MYH13: variants seen among roughly 807,000 people sequenced by gnomAD.
MYH13 encodes myosin heavy chain 13.
Under a neutral mutation model 232.1 loss-of-function variants are expected in MYH13, and 177 were observed. The ratio of observed to expected loss-of-function variants is 0.76; its 90% CI spans 0.67 to 0.86. MYH13 has a LOEUF of 0.86. Ranked by LOEUF, MYH13 falls within the 40% of genes least tolerant of loss-of-function variation. MYH13 has a pLI of 0.00. For missense variants in MYH13, 2,246 were observed against 2,405.9 expected (o/e 0.93, Z 1.39); for synonymous variants, 884 against 923.5 (o/e 0.96, Z 0.78).
chr17:10,341,751 C>G (rs773263088), intron 16 of MYH13, among the ~76,000 whole-genome samples: 3 of 152,056 alleles, frequency 2.0e-5, no homozygotes, highest in Non-Finnish European at 4.4e-5. Context: ...TATCTCTAGG[C>G]GAGGTTATGC....
In MYH13 at chr17:10,313,157, C is replaced by T. The variant is rs1906574573; in HGVS notation, c.4181+1G>A. ...TGCTATTGCCACCCTGGAGCCCCTACTTGGCCTCCTCCAGCTCCTCTGTGC... is the reference window on the plus strand; with the variant it reads ...TGCTATTGCCACCCTGGAGCCCCTATTTGGCCTCCTCCAGCTCCTCTGTGC... On this transcript the variant is annotated splice_donor_variant, in intron 30 of 40. Coordinates refer to ENST00000252172, the MANE Select transcript of MYH13 (RefSeq NM_003802.3). LOFTEE classifies it high-confidence loss of function. The T allele has an allele frequency of 6.2e-7, 1 of 1,613,996 alleles. No homozygotes were observed.
rs1448153034 is a variant in MYH13, at chr17:10,312,106, G to A, written c.4366-30C>T. Reference sequence around the variant, plus strand: ...GAGATGACAAAGGGACATGGGAGAAGCAGAAAGCAGGGGTGACTCAGAAGA... The same window carrying A: ...GAGATGACAAAGGGACATGGGAGAAACAGAAAGCAGGGGTGACTCAGAAGA... On this transcript the variant is annotated intron_variant, in intron 31 of 40. Transcript: ENST00000252172. 3 of 1,611,840 alleles carry A rather than the reference G, an allele frequency of 1.9e-6. No homozygotes were observed. In the Admixed American group the frequency reaches 5.0e-5, roughly 27 times the overall value.
At position 10,340,222 on chromosome 17, in the gene MYH13, A is replaced by G; in HGVS notation, c.1984T>C (p.Leu662=). 1.2e-6 allele frequency: 2 copies of G among 1,613,998 alleles called. No individual in the cohort carries two copies. Among genetic ancestry groups the G allele is most frequent in the South Asian group, 1.1e-5 (1 of 91,064 alleles). The change falls in exon 18 of 41, where the codon TTG becomes CTG. Residue 662 remains leucine (L), a synonymous_variant. Coordinates refer to ENST00000252172, the MANE Select transcript of MYH13 (RefSeq NM_003802.3). ...TGGGTGCTCCTTAAGTTAGTCATCAATTTGTTTAAATTTTCCTGGGACATA... is the reference window on the plus strand; with the variant it reads ...TGGGTGCTCCTTAAGTTAGTCATCAGTTTGTTTAAATTTTCCTGGGACATA... ...SAVFRENLNK[L]MTNLRSTHPH... is the part of the protein sequence containing the mutation.
At chr17:10,308,151 C>T (rs904903862) in intron 35 of MYH13, among the ~76,000 whole-genome samples, 1 of 151,708 alleles carries the variant, frequency 6.6e-6, no homozygotes, top group Non-Finnish European at 1.5e-5. Context: ...ATGGTGAAAC[C>T]CCGTCTCTAC....
rs745724159 is a variant in MYH13, at chr17:10,313,133, G to A, written c.4181+25C>T. On this transcript the variant is annotated intron_variant, in intron 30 of 40. Coordinates refer to ENST00000252172, the MANE Select transcript of MYH13 (RefSeq NM_003802.3). ...TGGCTTGTGTCCTCGGGCCCCCTCT[G>A]CTATTGCCACCCTGGAGCCCCTACT... 7 of 1,613,978 alleles carry A rather than the reference G, an allele frequency of 4.3e-6. No homozygotes were observed. The Admixed American group carries it at 1.2e-4, about 27-fold the overall frequency.
Position 10,355,855 on chromosome 17 carries a change from T to C in MYH13, c.739-708A>G, listed in dbSNP as rs2071745642. Among the ~76,000 whole-genome samples, 2 of 92,272 alleles carry C rather than the reference T, an allele frequency of 2.2e-5. 1 individual carries two copies. Among genetic ancestry groups the C allele is most frequent in the Admixed American group, 2.3e-4 (2 of 8,868 alleles). 60.5% of individuals were successfully genotyped at this position (92,272 alleles called of 152,430 possible). On this transcript the variant is annotated intron_variant, in intron 8 of 40. Coordinates refer to ENST00000252172, the MANE Select transcript of MYH13 (RefSeq NM_003802.3). ...TTTTTTTTTTTTTTTTTTTTTTTTT[T>C]TTTTTTTTTTTTGCTTGTATCTTAA... is the stretch of plus-strand genomic sequence containing the variant.
Position 10,318,730 on chromosome 17 carries a change from AG to A in MYH13, c.3738+59del, listed in dbSNP as rs536126569. 1.6e-4 allele frequency: 256 copies of A among 1,599,332 alleles called. 2 individuals carry two copies. The Admixed American group carries it at 2.3e-3, about 14-fold the overall frequency. ...TGGAGGCATCAAATTACACGTGCCC[AG>A]GGGCAGGTGGCCGTCGGCTGCCTTG... is the stretch of plus-strand genomic sequence containing the variant. On this transcript the variant is annotated intron_variant, in intron 27 of 40. Coordinates refer to ENST00000252172, the MANE Select transcript of MYH13 (RefSeq NM_003802.3).
intron 18 of MYH13, among the ~76,000 whole-genome samples, chr17:10,336,134 G>A (rs761503492): frequency 1.3e-5 from 2 of 152,092 alleles, no homozygotes; most frequent in Non-Finnish European, 2.9e-5. Flanking sequence ...GAGCCGAGAC[G>A]CCACTCTTCT....
chr17:10,321,459 C>T, intron 24 of MYH13, 73 bp downstream of exon 24: 1 of 1,440,904 alleles, frequency 6.9e-7, no homozygotes, highest in Non-Finnish European at 9.5e-7. Context: ...AGCCCTGTGT[C>T]CTAGTTAGAC....
chr17:10,311,939 T>C lies in MYH13; in HGVS notation c.4503A>G (p.Thr1501=), dbSNP rs1906520490. 3 of 1,613,844 alleles carry C rather than the reference T, an allele frequency of 1.9e-6. No individual in the cohort carries two copies. Among genetic ancestry groups the C allele is most frequent in the Non-Finnish European group, 2.5e-6 (3 of 1,179,898 alleles). The part of the protein sequence containing the change: ...AYEEVVDQLE[T]LRRENKNLQE... ...GCAGATTTTTGTTCTCTCGCCTCAG[T>C]GTCTCTAACTGGTCCACCACCTCCT... The change falls in exon 32 of 41, where the codon ACA becomes ACG. Residue 1501 remains threonine (T), a synonymous_variant. Coordinates refer to ENST00000252172, the MANE Select transcript of MYH13 (RefSeq NM_003802.3).
chr17:10,356,731 C>A (rs1349195840), intron 8 of MYH13, among the ~76,000 whole-genome samples: 1 of 152,192 alleles, frequency 6.6e-6, no homozygotes, highest in Non-Finnish European at 1.5e-5. Flanking sequence ...AAGTTTGAGA[C>A]TATCCAACTA....
chr17:10,308,346 T>C (rs1256723696), intron 35 of MYH13, among the ~76,000 whole-genome samples: 3 of 146,154 alleles, frequency 2.1e-5, no homozygotes, highest in Non-Finnish European at 4.5e-5. Flanking sequence ...AAAAAAAAGA[T>C]GTCAAAATAT....
In MYH13 at chr17:10,352,778, G is replaced by A. The variant is rs189158940; in HGVS notation, c.1005+1902C>T. On this transcript the variant is annotated intron_variant, in intron 11 of 40. Coordinates refer to ENST00000252172, the MANE Select transcript of MYH13 (RefSeq NM_003802.3). Reference sequence around the variant, plus strand: ...AGCCTGGCCCTTTCTGTGCTTACAAGTTAGTGAAGACTGGGGAAACCTCAT... The same window carrying A: ...AGCCTGGCCCTTTCTGTGCTTACAAATTAGTGAAGACTGGGGAAACCTCAT... 2.6e-3 allele frequency among the ~76,000 whole-genome samples: 394 copies of A among 152,236 alleles called. 1 individual carries two copies. The highest frequency in any genetic ancestry group is 9.1e-3 in the African/African-American group (379 of 41,524).
At chr17:10,320,962 G>A (rs1906919396) in intron 24 of MYH13, among the ~76,000 whole-genome samples, 1 of 152,200 alleles carries the variant, frequency 6.6e-6, no homozygotes, top group Non-Finnish European at 1.5e-5. Flanking sequence ...CATAGGAACA[G>A]GAAAAGGGTG....
intron 12 of MYH13, among the ~76,000 whole-genome samples, chr17:10,347,566 C>A (rs1198855993): frequency 6.6e-6 from 1 of 152,060 alleles, no homozygotes; most frequent in African/African-American, 2.4e-5. Flanking sequence ...TGGTCAAAAG[C>A]ACTTGACTTT....
rs985162494 is a variant in MYH13 at position 10,309,947 on chromosome 17, T to A, written c.4657-117A>T. The A allele has an allele frequency of 1.7e-4, 42 of 252,672 alleles. No homozygotes were observed. The South Asian group carries it at 1.9e-3, about 11-fold the overall frequency. The allele number at this position is 252,672 out of a possible 1,614,324, so 15.7% of individuals were successfully genotyped here. On this transcript the variant is annotated intron_variant, in intron 33 of 40. Coordinates refer to ENST00000252172, the MANE Select transcript of MYH13 (RefSeq NM_003802.3). ...TTTTTTTAAAAAAATTAAATTTAAA[T>A]TTTTTTTTTTTTTTGGTAGAGACAG...
chr17:10,350,241 T>A (rs945477017), intron 12 of MYH13, among the ~76,000 whole-genome samples: 6 of 152,156 alleles, frequency 3.9e-5, no homozygotes, highest in Non-Finnish European at 8.8e-5. Flanking sequence ...GAAGTTCACC[T>A]AACAATATTG....
At chr17:10,321,929 C>T (rs926454235) in intron 23 of MYH13, among the ~76,000 whole-genome samples, 17 of 152,164 alleles carry the variant, frequency 1.1e-4, no homozygotes, top group African/African-American at 3.6e-4. Context: ...TTAAGGAGGG[C>T]ATTATATTTT....
chr17:10,360,061 C>T lies in MYH13; in HGVS notation c.544G>A (p.Gly182Arg), dbSNP rs373315937. Residue 182 changes from glycine to arginine, a missense_variant, in exon 7 of 41, where the codon GGG (glycine) becomes AGG (arginine). Transcript: ENST00000252172. The part of the protein sequence containing the change: ...NQSILITGES[G>R]AGKTVNTKRV... ...TTGGTGTTCACAGTCTTCCCAGCCC[C>T]GGATTCTCCGCTGCCAATTTAAAAG... is the stretch of plus-strand genomic sequence containing the variant. 1.6e-5 allele frequency: 26 copies of T among 1,613,980 alleles called. No individual in the cohort carries two copies. Among genetic ancestry groups the T allele is most frequent in the Middle Eastern group, 3.3e-4 (2 of 6,084 alleles).
Sources: gnomAD v4.1 joint callset for allele counts (sites outside exome capture counted in the v4.1 genomes callset) on GRCh38, gnomAD v4.1.1 for gene constraint, MANE v1.5 for transcripts, NCBI Gene and HGNC (gene_info 2026-07-23, HGNC 2026-07-21) for gene names.